CALN1: variants seen among roughly 807,000 people sequenced by gnomAD.
CALN1 encodes the protein calneuron 1.
CALN1 carries 17 observed loss-of-function variants against 30.6 expected under a neutral mutation model. The ratio of observed to expected loss-of-function variants is 0.56; its 90% confidence interval spans 0.38 to 0.83. The LOEUF (loss-of-function observed/expected upper bound fraction) is 0.83. Ranked by LOEUF, CALN1 falls within the 40% of genes least tolerant of loss-of-function variation. The pLI, the probability that CALN1 is intolerant of heterozygous loss-of-function variation, is 0.00. For missense variants in CALN1, 291 were observed against 354.9 expected (o/e 0.82, Z 1.45); for synonymous variants, 156 against 131.4 (o/e 1.19, Z -1.28).
At chr7:72,284,670 A>C (rs1445571045) in intron 2 of CALN1, among the ~76,000 whole-genome samples, 9 of 152,122 alleles carry the variant, frequency 5.9e-5, no homozygotes, top group Non-Finnish European at 1.3e-4. Flanking sequence ...TCACTATCTG[A>C]TTCTCAGGTC....
chr7:71,971,981 GAAAGAA>G (rs1352020825), intron 5 of CALN1, among the ~76,000 whole-genome samples: 1 of 96,516 alleles, frequency 1.0e-5, no homozygotes, highest in Non-Finnish European at 2.3e-5. Flanking sequence ...AAGAAAGAAA[GAAAGAA>G]AGAAAGAGAA....
At chr7:71,902,019 C>T (rs1793877316) in intron 5 of CALN1, among the ~76,000 whole-genome samples, 1 of 152,138 alleles carries the variant, frequency 6.6e-6, no homozygotes. Context: ...ACAAACTCTG[C>T]ATCCAACAAA....
chr7:72,187,328 C>A (rs1362942426), intron 3 of CALN1, among the ~76,000 whole-genome samples: 4 of 152,158 alleles, frequency 2.6e-5, no homozygotes, highest in African/African-American at 9.6e-5. Context: ...CATAGAGATG[C>A]AGATTAGTAG....
intron 4 of CALN1, among the ~76,000 whole-genome samples, chr7:72,098,961 G>GGAT: frequency 6.6e-6 from 1 of 152,152 alleles, no homozygotes; most frequent in Admixed American, 6.6e-5. Flanking sequence ...TGTTCCATGT[G>GGAT]TAGCCGGCAA....
rs149298160 is a variant in CALN1 at position 72,365,361 on chromosome 7, T to C, written c.119+37890A>G. ...AGAAGAAAAAAATAATAATTATATC[T>C]TCAGTATGTACAGAACTTATAAATC... is the stretch of plus-strand genomic sequence containing the variant. On this transcript the variant is annotated intron_variant, in intron 2 of 6. Transcript: ENST00000395275. Among the ~76,000 whole-genome samples the C allele has an allele frequency of 6.9e-3, 1,050 of 152,224 alleles. 14 individuals are homozygous for C. Among genetic ancestry groups the C allele is most frequent in the African/African-American group, 0.024 (1,007 of 41,534 alleles).
chr7:71,959,854 C>T (rs996611888), intron 5 of CALN1, among the ~76,000 whole-genome samples: 3 of 151,960 alleles, frequency 2.0e-5, no homozygotes, highest in Non-Finnish European at 2.9e-5. Context: ...CATATTTAGG[C>T]CGGGCACAGT....
chr7:72,011,282 C>T (rs2129529237), intron 5 of CALN1, among the ~76,000 whole-genome samples: 1 of 152,182 alleles, frequency 6.6e-6, no homozygotes, highest in South Asian at 2.1e-4. Flanking sequence ...CAGTATAGGG[C>T]CTGCTCCCCA....
At chr7:71,818,061 T>C (rs1353313595) in intron 5 of CALN1, among the ~76,000 whole-genome samples, 1 of 152,158 alleles carries the variant, frequency 6.6e-6, no homozygotes, top group Non-Finnish European at 1.5e-5. Context: ...TGCCAGATAC[T>C]GTGATGGGAA....
chr7:71,804,594 G>A (rs1402951568), intron 6 of CALN1, among the ~76,000 whole-genome samples: 1 of 152,170 alleles, frequency 6.6e-6, no homozygotes, highest in African/African-American at 2.4e-5. Context: ...CAGGGTGGGA[G>A]GATCACTTGA....
At chr7:72,348,514 G>A (rs763966930) in intron 2 of CALN1, among the ~76,000 whole-genome samples, 14 of 152,218 alleles carry the variant, frequency 9.2e-5, no homozygotes, top group African/African-American at 3.4e-4. Context: ...TAAGTTCCTA[G>A]TTGACAACTA....
chr7:71,805,689 G>A (rs1345767629), intron 6 of CALN1, among the ~76,000 whole-genome samples: 10 of 152,084 alleles, frequency 6.6e-5, no homozygotes, highest in Admixed American at 4.6e-4. Context: ...CCTCATAGGC[G>A]TTTGCTGCCT....
chr7:71,897,735 A>C (rs2116919148), intron 5 of CALN1, among the ~76,000 whole-genome samples: 1 of 151,902 alleles, frequency 6.6e-6, no homozygotes, highest in South Asian at 2.1e-4. Flanking sequence ...GTTAGTGTTC[A>C]AATCTAGTAT....
At chr7:71,876,989 A>G (rs1206556574) in intron 5 of CALN1, among the ~76,000 whole-genome samples, 2 of 152,222 alleles carry the variant, frequency 1.3e-5, no homozygotes, top group African/African-American at 4.8e-5. Context: ...TACCTAAGCA[A>G]TCAATTAGAA....
At chr7:72,383,170 G>A (rs1188067999) in intron 2 of CALN1, among the ~76,000 whole-genome samples, 2 of 152,160 alleles carry the variant, frequency 1.3e-5, no homozygotes, top group African/African-American at 4.8e-5. Flanking sequence ...CCGCTGATGA[G>A]CAGCTAGGTT....
chr7:72,182,684 C>A (rs1789899244), intron 3 of CALN1, among the ~76,000 whole-genome samples: 1 of 150,718 alleles, frequency 6.6e-6, no homozygotes, highest in African/African-American at 2.4e-5. Context: ...CGTGCCACTG[C>A]ACTCCAGCCT....
intron 5 of CALN1, among the ~76,000 whole-genome samples, chr7:71,870,785 A>G (rs1339736139): frequency 6.6e-6 from 1 of 152,212 alleles, no homozygotes; most frequent in Non-Finnish European, 1.5e-5. Flanking sequence ...AATGTGGTTA[A>G]GTCTCATTAC....
In CALN1 at chr7:71,857,582, CCT is replaced by C. The variant is rs1314126014; in HGVS notation, c.502-47092_502-47091del. Among the ~76,000 whole-genome samples the C allele has an allele frequency of 1.4e-4, 22 of 152,156 alleles. 1 individual carries two copies. Among genetic ancestry groups the C allele is most frequent in the Admixed American group, 1.3e-3 (20 of 15,286 alleles). The stretch of plus-strand genomic sequence containing the variant: ...CAGACAACTGGCTGTCTCACCGACT[CCT>C]CTTCCCTCTCCTCCCCCTGTTCTCT... On this transcript the variant is annotated intron_variant, in intron 5 of 6. Transcript: ENST00000395275.
the CALN1 span, among the ~76,000 whole-genome samples, chr7:72,500,158 C>T: frequency 6.6e-6 from 1 of 150,688 alleles, no homozygotes; most frequent in Non-Finnish European, 1.5e-5. Flanking sequence ...GCTATCCACC[C>T]ACCCCAGCCT....
chr7:72,198,320 T>G (rs1791175317), intron 3 of CALN1, among the ~76,000 whole-genome samples: 1 of 152,234 alleles, frequency 6.6e-6, no homozygotes, highest in Admixed American at 6.5e-5. Context: ...AGACGTTGGC[T>G]TCCTCTGCTC....
Sources: gnomAD v4.1 joint callset for allele counts (sites outside exome capture counted in the v4.1 genomes callset) on GRCh38, gnomAD v4.1.1 for gene constraint, MANE v1.5 for transcripts, NCBI Gene and HGNC (gene_info 2026-07-23, HGNC 2026-07-21) for gene names.